Variants in AHI1 observed in about 807,000 individuals in gnomAD.
The protein encoded by AHI1 is jouberin.
AHI1 carries 123 observed loss-of-function variants against 149.3 expected under a neutral mutation model. The ratio of observed to expected loss-of-function variants is 0.82; its 90% confidence interval spans 0.71 to 0.96. The LOEUF (loss-of-function observed/expected upper bound fraction) is 0.96. AHI1 is among the 40% of genes least tolerant of loss of function. The pLI, the probability that AHI1 is intolerant of heterozygous loss-of-function variation, is 0.00. For missense variants in AHI1, 1,439 were observed against 1,422.7 expected, an observed-to-expected ratio of 1.01 and a Z score of -0.18; for synonymous variants, 475 against 459.8, an observed-to-expected ratio of 1.03 and a Z score of -0.42.
chr6:135,288,496 A>G (rs1458394576), intron 28 of AHI1, among the ~76,000 whole-genome samples: 8 of 152,080 alleles, frequency 5.3e-5, no homozygotes, highest in Admixed American at 5.2e-4. Flanking sequence ...TAGAAAATGC[A>G]CAAAGTTAAA....
intron 8 of AHI1, among the ~76,000 whole-genome samples, chr6:135,460,450 A>G (rs1008047568): frequency 2.6e-5 from 4 of 152,196 alleles, no homozygotes; most frequent in African/African-American, 9.6e-5. Flanking sequence ...ATAGCCTGAG[A>G]ATCAATACTG....
At position 135,290,536 on chromosome 6, in the gene AHI1, G is replaced by A. The variant is rs776286276; in HGVS notation, c.3486-11C>T. On this transcript the variant is annotated splice_polypyrimidine_tract_variant and intron_variant, in intron 27 of 28. Transcript: ENST00000265602. ...TTTCTCATTTCAGAACTATAGGAGGGAAAGATCAGAAACAAGGAGCCAGTA... is the reference window on the plus strand; with the variant it reads ...TTTCTCATTTCAGAACTATAGGAGGAAAAGATCAGAAACAAGGAGCCAGTA... The A allele has an allele frequency of 1.2e-6, 2 of 1,613,358 alleles. No homozygotes were observed. The highest frequency in any genetic ancestry group is 3.3e-5 in the Admixed American group (2 of 59,992).
intron 28 of AHI1, 116 bp downstream of exon 28, chr6:135,290,307 A>AC: frequency 1.4e-6 from 1 of 715,982 alleles, no homozygotes; most frequent in Admixed American, 2.2e-5. Context: ...CCCAAATGGG[A>AC]CTTGTCAGTC....
intron 16 of AHI1, among the ~76,000 whole-genome samples, chr6:135,432,336 A>G (rs1359061354): frequency 6.6e-6 from 1 of 152,160 alleles, no homozygotes; most frequent in Non-Finnish European, 1.5e-5. Context: ...TTTACGTTTT[A>G]CATCTTTAAA....
At chr6:135,318,458 T>G in intron 26 of AHI1, 61 bp downstream of exon 26, 1 of 1,067,484 alleles carries the variant, frequency 9.4e-7, no homozygotes, top group Non-Finnish European at 1.4e-6. Flanking sequence ...AAAGTAATAT[T>G]TTATCCAGAG....
intron 6 of AHI1, 90 bp downstream of exon 6, chr6:135,467,491 G>T: frequency 9.4e-7 from 1 of 1,064,238 alleles, no homozygotes; most frequent in Non-Finnish European, 1.4e-6. Context: ...AAACAGAATG[G>T]ACAAAAACCA....
chr6:135,401,170 G>C (rs1357796339), intron 22 of AHI1, among the ~76,000 whole-genome samples: 2 of 152,136 alleles, frequency 1.3e-5, no homozygotes, highest in Non-Finnish European at 2.9e-5. Flanking sequence ...CTTGTTAAGT[G>C]TTTCTCTCAG....
At position 135,442,684 on chromosome 6, in the gene AHI1, A is replaced by G; in HGVS notation, c.1810T>C (p.Ser604Pro). ...ACRIPNKHLF[S>P]LNAGERGCFC... ...CATCCTCGTTCTCCTGCATTTAGTGAGAAGAGGTGTTTGTTTGGGATACGG... is the reference window on the plus strand; with the variant it reads ...CATCCTCGTTCTCCTGCATTTAGTGGGAAGAGGTGTTTGTTTGGGATACGG... Residue 604 changes from serine (S) to proline (P), a missense_variant, in exon 14 of 29, where the codon TCA becomes CCA. Ser to Pro is a moderately conservative substitution (Grantham distance 74). Coordinates refer to ENST00000265602, the MANE Select transcript of AHI1 (RefSeq NM_001134831.2). 6.2e-7 allele frequency: 1 copy of G among 1,611,306 alleles called. No individual in the cohort carries two copies. The highest frequency in any genetic ancestry group is 8.5e-7 in the Non-Finnish European group (1 of 1,178,598).
At chr6:135,359,880 T>A (rs1307564643) in intron 23 of AHI1, among the ~76,000 whole-genome samples, 1 of 152,112 alleles carries the variant, frequency 6.6e-6, no homozygotes, top group African/African-American at 2.4e-5. Context: ...ATATACAGTT[T>A]ATACAATACC....
At chr6:135,340,138 G>A (rs1350473178) in intron 24 of AHI1, among the ~76,000 whole-genome samples, 5 of 152,318 alleles carry the variant, frequency 3.3e-5, no homozygotes, top group South Asian at 2.1e-4. Flanking sequence ...TTGGGAGGCT[G>A]AGGCGGGTGG....
chr6:135,293,334 C>CA (rs1255878257), intron 27 of AHI1, among the ~76,000 whole-genome samples: 1 of 128,738 alleles, frequency 7.8e-6, no homozygotes, highest in African/African-American at 3.0e-5. Flanking sequence ...ACAAGAATGT[C>CA]TATTCTGACT....
At chr6:135,386,397 G>C (rs1328419120) in intron 23 of AHI1, among the ~76,000 whole-genome samples, 1 of 151,192 alleles carries the variant, frequency 6.6e-6, no homozygotes, top group African/African-American at 2.4e-5. Flanking sequence ...TGCAAGCTCC[G>C]CCTCCCGGGT....
intron 26 of AHI1, among the ~76,000 whole-genome samples, chr6:135,303,952 G>A (rs2128356184): frequency 6.6e-6 from 1 of 152,160 alleles, no homozygotes; most frequent in East Asian, 1.9e-4. Flanking sequence ...CTGTTTCCGG[G>A]AGCACAATTT....
chr6:135,368,300 CTGGTTTTGTGT>C (rs1203081897), intron 23 of AHI1, among the ~76,000 whole-genome samples: 1 of 152,142 alleles, frequency 6.6e-6, no homozygotes, highest in Non-Finnish European at 1.5e-5. Context: ...GTTTAGTGTG[CTGGTTTTGTGT>C]TGGTTGGTTT....
At chr6:135,303,480 G>A (rs980371303) in intron 26 of AHI1, among the ~76,000 whole-genome samples, 4 of 151,880 alleles carry the variant, frequency 2.6e-5, no homozygotes, top group African/African-American at 9.7e-5. Context: ...ACTAAAGTTG[G>A]TGGTTCAATT....
At chr6:135,472,598 G>C (rs920330484) in intron 5 of AHI1, among the ~76,000 whole-genome samples, 2 of 152,088 alleles carry the variant, frequency 1.3e-5, no homozygotes, top group African/African-American at 2.4e-5. Flanking sequence ...GTACTATTTC[G>C]CATTTTTATC....
chr6:135,418,848 C>T (rs754395020), intron 20 of AHI1, among the ~76,000 whole-genome samples: 2 of 151,576 alleles, frequency 1.3e-5, no homozygotes, highest in Non-Finnish European at 2.9e-5. Flanking sequence ...ATAATATCAT[C>T]CCTATAAGTT....
At chr6:135,474,294 C>T (rs1792234363) in intron 5 of AHI1, among the ~76,000 whole-genome samples, 1 of 152,286 alleles carries the variant, frequency 6.6e-6, no homozygotes, top group East Asian at 1.9e-4. Flanking sequence ...ACACAGTTTA[C>T]TTCTTCCTTT....
At chr6:135,408,256 T>C (rs1249820523) in intron 21 of AHI1, among the ~76,000 whole-genome samples, 2 of 152,154 alleles carry the variant, frequency 1.3e-5, no homozygotes, top group African/African-American at 4.8e-5. Context: ...TTTATGCCTG[T>C]AGATGAAGTT....
Sources: gnomAD v4.1 joint callset for allele counts (sites outside exome capture counted in the v4.1 genomes callset) on GRCh38, gnomAD v4.1.1 for gene constraint, MANE v1.5 for transcripts, NCBI Gene and HGNC (gene_info 2026-07-23, HGNC 2026-07-21) for gene names.